Variants in ANK3 observed in about 807,000 individuals in gnomAD.
ANK3 encodes ankyrin 3.
In ANK3, 57 loss-of-function variants were observed where a neutral mutation model predicts 370.9. That is an observed-to-expected ratio of 0.15 (90% CI 0.12 to 0.19). The LOEUF is 0.19. Among genes scored for constraint, ANK3 ranks in the 10% least tolerant of loss-of-function variants. The pLI is 1.00. For missense variants in ANK3, 4,439 were observed against 5,302.1 expected, an observed-to-expected ratio of 0.84 and a Z score of 5.06; for synonymous variants, 1,929 against 1,946.3, an observed-to-expected ratio of 0.99 and a Z score of 0.23.
rs145513149 is a variant in ANK3, at chr10:60,435,822, G to A, written c.97-156183C>T. Among the ~76,000 whole-genome samples, 647 of 152,266 alleles carry A rather than the reference G, an allele frequency of 4.2e-3. 3 individuals carry two copies. Among genetic ancestry groups the A allele is most frequent in the African/African-American group, 0.015 (626 of 41,550 alleles). ...TCATGTTTTTAAAGTCTCATCGGCC[G>A]GGCGCGGTGGCTCACGCCTGTAATC... On this transcript the variant is annotated intron_variant, in intron 2 of 43. Coordinates refer to the ANK3 transcript ENST00000373827.
intron 23 of ANK3, among the ~76,000 whole-genome samples, chr10:60,148,411 C>A (rs1221903191): frequency 6.6e-6 from 1 of 152,184 alleles, no homozygotes; most frequent in African/African-American, 2.4e-5. Flanking sequence ...ACTTTAGAAA[C>A]TATATCTAGC....
intron 24 of ANK3, among the ~76,000 whole-genome samples, chr10:60,135,421 T>C (rs866220268): frequency 2.0e-5 from 3 of 152,240 alleles, no homozygotes; most frequent in Non-Finnish European, 2.9e-5. Context: ...CTGCAGAATA[T>C]AAAACCATTT....
At chr10:60,362,821 T>C (rs1318183636) in intron 1 of ANK3, among the ~76,000 whole-genome samples, 1 of 151,926 alleles carries the variant, frequency 6.6e-6, no homozygotes, top group East Asian at 1.9e-4. Context: ...GAGAGCACAC[T>C]CAGTCTAGTT....
chr10:60,103,373 A>G (rs1219069428), intron 28 of ANK3, among the ~76,000 whole-genome samples: 1 of 152,202 alleles, frequency 6.6e-6, no homozygotes, highest in African/African-American at 2.4e-5. Context: ...AGAGGATAAA[A>G]GAACATAAAA....
At chr10:60,304,348 T>C (rs923569104) in intron 1 of ANK3, among the ~76,000 whole-genome samples, 1 of 152,094 alleles carries the variant, frequency 6.6e-6, no homozygotes, top group African/African-American at 2.4e-5. Context: ...AATGTATATG[T>C]TATCAAAACA....
At chr10:60,562,380 A>G (rs2077355660) in intron 2 of ANK3, among the ~76,000 whole-genome samples, 1 of 151,592 alleles carries the variant, frequency 6.6e-6, no homozygotes, top group Non-Finnish European at 1.5e-5. Context: ...AAAAATGTTA[A>G]CAATATGTCT....
chr10:60,535,530 A>G (rs1167681545), intron 2 of ANK3, among the ~76,000 whole-genome samples: 1 of 152,074 alleles, frequency 6.6e-6, no homozygotes, highest in East Asian at 1.9e-4. Context: ...CTAATGTTAC[A>G]TCTAAGAAAA....
chr10:60,692,961 G>C (rs192238457), intron 1 of ANK3, among the ~76,000 whole-genome samples: 1 of 152,260 alleles, frequency 6.6e-6, no homozygotes, highest in African/African-American at 2.4e-5. Flanking sequence ...ATTATAATAG[G>C]GGTGATTTCT....
rs138009693 is a variant in ANK3, at chr10:60,455,865, A to G, written c.96+159321T>C. 2.8e-3 allele frequency among the ~76,000 whole-genome samples: 431 copies of G among 152,274 alleles called. 1 individual carries two copies. Among genetic ancestry groups the G allele is most frequent in the Non-Finnish European group, 5.2e-3 (357 of 68,012 alleles). On this transcript the variant is annotated intron_variant, in intron 2 of 43. Coordinates refer to the ANK3 transcript ENST00000373827. Reference sequence around the variant, plus strand: ...TCAGTCCTTCCACTCTAACTTCAAGAGTCACTCCCCTTGGGAGATGCGATG... The same window carrying G: ...TCAGTCCTTCCACTCTAACTTCAAGGGTCACTCCCCTTGGGAGATGCGATG...
intron 1 of ANK3, among the ~76,000 whole-genome samples, chr10:60,668,441 A>G (rs2079026086): frequency 6.6e-6 from 1 of 151,760 alleles, no homozygotes; most frequent in Admixed American, 6.6e-5. Context: ...ATGGTTATAA[A>G]TAAGTACCAG....
At chr10:60,639,962 G>C (rs955040454) in intron 1 of ANK3, among the ~76,000 whole-genome samples, 1 of 151,886 alleles carries the variant, frequency 6.6e-6, no homozygotes, top group African/African-American at 2.4e-5. Context: ...CCTTCTATGA[G>C]AAATCTGCTT....
chr10:60,056,709 C>A (rs541609340), intron 41 of ANK3, among the ~76,000 whole-genome samples: 1 of 152,082 alleles, frequency 6.6e-6, no homozygotes, highest in Non-Finnish European at 1.5e-5. Context: ...GATTTCAGAA[C>A]GCTTCTCTAT....
intron 1 of ANK3, among the ~76,000 whole-genome samples, chr10:60,678,221 CA>C (rs1158937425): frequency 1.3e-5 from 2 of 152,086 alleles, no homozygotes; most frequent in Non-Finnish European, 2.9e-5. Context: ...TTGCAGAATC[CA>C]ACAAGAAAAT....
intron 2 of ANK3, among the ~76,000 whole-genome samples, chr10:60,590,078 T>C (rs982587886): frequency 6.6e-6 from 1 of 152,230 alleles, no homozygotes; most frequent in Admixed American, 6.5e-5. Flanking sequence ...TCTATTTCTG[T>C]ATTTCTCCTT....
chr10:60,221,102 T>G (rs1314425190), intron 8 of ANK3, among the ~76,000 whole-genome samples: 1 of 147,854 alleles, frequency 6.8e-6, no homozygotes, highest in Non-Finnish European at 1.5e-5. Flanking sequence ...TTTTTTGAGA[T>G]GGAGTCTCGC....
chr10:60,208,272 T>G (rs932219387), intron 9 of ANK3, 39 bp from the exon 10 acceptor site: 1 of 1,576,786 alleles, frequency 6.3e-7, no homozygotes, highest in South Asian at 1.1e-5. Flanking sequence ...TTCTTTTACC[T>G]TTTAAACACA....
At chr10:60,706,160 C>T (rs909044623) in intron 1 of ANK3, among the ~76,000 whole-genome samples, 1 of 152,188 alleles carries the variant, frequency 6.6e-6, no homozygotes, top group Non-Finnish European at 1.5e-5. Context: ...TTCTGATTCT[C>T]TCTTGACAGA....
intron 1 of ANK3, among the ~76,000 whole-genome samples, chr10:60,629,482 A>G (rs1210648410): frequency 2.0e-5 from 3 of 152,164 alleles, no homozygotes; most frequent in Non-Finnish European, 4.4e-5. Flanking sequence ...CTCAAGCTAG[A>G]TGATATTGAA....
intron 17 of ANK3, among the ~76,000 whole-genome samples, chr10:60,182,371 T>C (rs551390134): frequency 6.6e-6 from 1 of 152,144 alleles, no homozygotes; most frequent in Non-Finnish European, 1.5e-5. Flanking sequence ...CTAACCCTAT[T>C]AGAGAATTTG....
Sources: allele counts gnomAD v4.1 joint callset (sites outside exome capture counted in the v4.1 genomes callset), GRCh38; gene constraint gnomAD v4.1.1; transcripts MANE v1.5; gene names NCBI Gene and HGNC (gene_info 2026-07-23, HGNC 2026-07-21).